Variants in VWF observed in about 807,000 individuals in gnomAD.
VWF encodes Factor VIII related antigen.
In VWF, 176 loss-of-function variants were observed where a neutral mutation model predicts 308.6. The observed-to-expected ratio is 0.57, with a 90% CI of 0.50 to 0.65. The LOEUF is 0.65. Among genes scored for constraint, VWF ranks in the 30% least tolerant of loss-of-function variants. The pLI is 0.00. For missense variants in VWF, 3,146 were observed against 3,648.2 expected, an observed-to-expected ratio of 0.86 and a Z score of 3.55; for synonymous variants, 1,385 against 1,443.4, an observed-to-expected ratio of 0.96 and a Z score of 0.92.
At position 5,981,856 on chromosome 12, in the gene VWF, G is replaced by GGACA. The variant is rs752860551; in HGVS notation, c.7213_7216dup (p.Pro2406LeufsTer13). On this transcript the variant is annotated frameshift_variant, in exon 42 of 52. Transcript: ENST00000261405. LOFTEE classifies it high-confidence loss of function. ...GGCAGTTGAGGCCAAGTACCCAAGG[G>GGACA]GACAGCTCACTGTGGAGTTGACACA... The GGACA allele has an allele frequency of 6.2e-7, 1 of 1,614,016 alleles. No individual in the cohort carries two copies. Among genetic ancestry groups the GGACA allele is most frequent in the Non-Finnish European group, 8.5e-7 (1 of 1,180,000 alleles).
At chr12:5,950,735 T>C (rs1034199892) in intron 50 of VWF, among the ~76,000 whole-genome samples, 1 of 152,156 alleles carries the variant, frequency 6.6e-6, no homozygotes, top group African/African-American at 2.4e-5. Context: ...CCTGGCTTAT[T>C]GTCCTTATTA....
At position 6,060,617 on chromosome 12, in the gene VWF, A is replaced by T. The variant is rs1314531562; in HGVS notation, c.1533+2337T>A. 2.0e-5 allele frequency among the ~76,000 whole-genome samples: 3 copies of T among 152,204 alleles called. No individual in the cohort carries two copies. Among genetic ancestry groups the T allele is most frequent in the South Asian group, 2.1e-4 (1 of 4,824 alleles). ...AAAAGAAAAAAGAAAAATATATATA[A>T]AAAGACAGTTCTATAGGCCATGGGG... On this transcript the variant is annotated intron_variant, in intron 13 of 51. Transcript: ENST00000261405. This position sits in a 1 kb window ranked among gnomAD's most constrained non-coding sequence, Gnocchi z 5.1.
In VWF at chr12:6,033,458, C is replaced by T. The variant is rs929318815; in HGVS notation, c.2685+1230G>A. On this transcript the variant is annotated intron_variant, in intron 20 of 51. Transcript: ENST00000261405. The stretch of plus-strand genomic sequence containing the variant: ...GCAGATGCTGACCAGCTGTCTGGTC[C>T]TTGCTGCACTGAATTAATTTTTTCC... Among the ~76,000 whole-genome samples, 3 of 152,348 alleles carry T rather than the reference C, an allele frequency of 2.0e-5. No individual in the cohort carries two copies. In the East Asian group the frequency reaches 5.8e-4, roughly 29 times the overall value.
rs1944611199 is a variant in VWF, at chr12:6,058,138, G to GT, written c.1534-95dup. On this transcript the variant is annotated intron_variant, in intron 13 of 51. Coordinates refer to ENST00000261405, the MANE Select transcript of VWF (RefSeq NM_000552.5). The surrounding 1 kb of genome is among the most constrained non-coding windows in gnomAD (Gnocchi z 4.9). ...AGATGGTTTTAATAAAAAAAAAAAA[G>GT]TTCCCCGGGTGAAACATAAATATGA... The GT allele has an allele frequency of 8.4e-7, 1 of 1,195,342 alleles. No homozygotes were observed. Among genetic ancestry groups the GT allele is most frequent in the Non-Finnish European group, 1.2e-6 (1 of 846,586 alleles). The allele number at this position is 1,195,342 out of a possible 1,614,324, so 74.0% of individuals were successfully genotyped here.
chr12:5,967,380 G>T, intron 47 of VWF, 106 bp downstream of exon 47: 1 of 972,098 alleles, frequency 1.0e-6, no homozygotes, highest in Non-Finnish European at 1.7e-6. Context: ...TTTATAATCA[G>T]AAAATAATGA....
chr12:6,108,980 CAAAA>C (rs748182676), intron 5 of VWF, among the ~76,000 whole-genome samples: 2 of 63,838 alleles, frequency 3.1e-5, no homozygotes, highest in Admixed American at 1.8e-4. Context: ...GACTCCGTCT[CAAAA>C]AAAAAAAAAA....
intron 6 of VWF, among the ~76,000 whole-genome samples, chr12:6,081,626 C>T (rs1362014789): frequency 1.3e-5 from 2 of 152,226 alleles, no homozygotes; most frequent in African/African-American, 2.4e-5. Flanking sequence ...GAGTGAGCCA[C>T]GGCACCTGGC....
chr12:5,962,493 G>GA (rs1943330502), intron 47 of VWF, among the ~76,000 whole-genome samples: 2 of 138,070 alleles, frequency 1.4e-5, no homozygotes, highest in Admixed American at 7.3e-5. Flanking sequence ...CAAAGGATCA[G>GA]AAAAAAAGGA....
In VWF at chr12:6,020,251, G is replaced by C. The variant is rs538855913; in HGVS notation, c.3675-508C>G. On this transcript the variant is annotated intron_variant, in intron 27 of 51. Transcript: ENST00000261405. This position sits in a 1 kb window ranked among gnomAD's most constrained non-coding sequence, Gnocchi z 4.3. ...ATTGCATGAGTTTTAAAACATGTTT[G>C]ATATGTTGGGCCCTAACGAAGAGAG... Among the ~76,000 whole-genome samples the C allele has an allele frequency of 6.6e-6, 1 of 152,240 alleles. No individual in the cohort carries two copies. The highest frequency in any genetic ancestry group is 1.5e-5 in the Non-Finnish European group (1 of 68,050).
chr12:6,050,877 C>T (rs1944501333), intron 16 of VWF, among the ~76,000 whole-genome samples: 2 of 151,952 alleles, frequency 1.3e-5, no homozygotes, highest in Non-Finnish European at 2.9e-5. Context: ...ATCGCTTGAA[C>T]CCCAGAGGTG....
chr12:6,107,340 T>A (rs1471215561), intron 5 of VWF, among the ~76,000 whole-genome samples: 1 of 152,238 alleles, frequency 6.6e-6, no homozygotes, highest in East Asian at 1.9e-4. Context: ...TTGTGGTGGT[T>A]ACATGACTCT....
At position 6,058,105 on chromosome 12, in the gene VWF, A is replaced by G; in HGVS notation, c.1534-61T>C. ...CGCGAAAGCAGCGGCATAGTTGTTT[A>G]GCTAATGAGATGGTTTTAATAAAAA... On this transcript the variant is annotated intron_variant, in intron 13 of 51. Coordinates refer to ENST00000261405, the MANE Select transcript of VWF (RefSeq NM_000552.5). This position sits in a 1 kb window ranked among gnomAD's most constrained non-coding sequence, Gnocchi z 4.9. 6.4e-7 allele frequency: 1 copy of G among 1,571,630 alleles called. No homozygotes were observed.
At chr12:6,113,596 G>A (rs555485031) in intron 3 of VWF, among the ~76,000 whole-genome samples, 4 of 152,284 alleles carry the variant, frequency 2.6e-5, no homozygotes, top group Admixed American at 2.6e-4. Context: ...GCCCTGCAAA[G>A]TAACTTTTTC....
At position 6,123,161 on chromosome 12, in the gene VWF, A is replaced by G; in HGVS notation, c.36T>C (p.Ala12=). The change falls in exon 2 of 52, where the codon GCT becomes GCC. Residue 12 remains alanine (A), a synonymous_variant. Transcript: ENST00000261405. The part of the protein sequence containing the change: ...IPARFAGVLL[A]LALILPGTLC... The stretch of plus-strand genomic sequence containing the variant: ...ACCTACCTGGCAAAATGAGGGCCAG[A>G]GCAAGCAGCACCCCGGCAAATCTGG... 6.2e-7 allele frequency: 1 copy of G among 1,614,228 alleles called. No homozygotes were observed. The highest frequency in any genetic ancestry group is 8.5e-7 in the Non-Finnish European group (1 of 1,180,048).
At position 6,022,906 on chromosome 12, in the gene VWF, G is replaced by A. The variant is rs1944144415; in HGVS notation, c.3380-8C>T. 5 of 456,104 alleles carry A rather than the reference G, an allele frequency of 1.1e-5. No individual in the cohort carries two copies. The highest frequency in any genetic ancestry group is 2.1e-5 in the South Asian group (1 of 47,372). The allele number at this position is 456,104 out of a possible 1,614,324, so 28.3% of individuals were successfully genotyped here. On this transcript the variant is annotated splice_region_variant and splice_polypyrimidine_tract_variant and intron_variant, in intron 25 of 51. Transcript: ENST00000261405. Reference sequence around the variant, plus strand: ...TCTCCTCGCAGCTCTGGGCTGTGTAGACAGGAGACAAGGCTGTGGCCACAA... The same window carrying A: ...TCTCCTCGCAGCTCTGGGCTGTGTAAACAGGAGACAAGGCTGTGGCCACAA...
At chr12:5,990,495 T>C (rs898531036) in intron 38 of VWF, among the ~76,000 whole-genome samples, 3 of 152,212 alleles carry the variant, frequency 2.0e-5, no homozygotes, top group Admixed American at 6.5e-5. Flanking sequence ...ACATTTACCA[T>C]GAGTTCTCCT....
In VWF at chr12:6,062,997, T is replaced by C; in HGVS notation, c.1490A>G (p.Asp497Gly). The part of the protein sequence containing the change: ...TASVRLSYGE[D>G]LQMDWDGRGR... ...GCGGCCATCCCAGTCCATCTGCAGGTCCTCCCCGTAGCTGAGGCGCACGGA... is the reference window on the plus strand; with the variant it reads ...GCGGCCATCCCAGTCCATCTGCAGGCCCTCCCCGTAGCTGAGGCGCACGGA... Residue 497 changes from aspartate (D) to glycine (G), a missense_variant, in exon 13 of 52, where the codon GAC (aspartate) becomes GGC (glycine). This residue lies in a region of VWF where 1,304 missense variants were observed against 1,353.0 expected (regional missense o/e 0.96). Transcript: ENST00000261405. 1 of 1,613,374 alleles carries C rather than the reference T, an allele frequency of 6.2e-7. No homozygotes were observed. The highest frequency in any genetic ancestry group is 8.5e-7 in the Non-Finnish European group (1 of 1,180,000).
chr12:6,010,911 TGAATAAACAGAAGAAACCTA>T (rs755271719), intron 34 of VWF, among the ~76,000 whole-genome samples: 77 of 152,200 alleles, frequency 5.1e-4, no homozygotes, highest in Non-Finnish European at 9.1e-4. Context: ...GAATTCTTTA[TGAATAAACAGAAGAAACCTA>T]AAGTCTGGTG....
intron 3 of VWF, among the ~76,000 whole-genome samples, chr12:6,112,091 A>C (rs1264683507): frequency 6.6e-6 from 1 of 152,244 alleles, no homozygotes; most frequent in Non-Finnish European, 1.5e-5. Flanking sequence ...TTGATTATCC[A>C]GGAGTTTACA....
Sources: allele counts gnomAD v4.1 joint callset (sites outside exome capture counted in the v4.1 genomes callset), GRCh38; gene constraint gnomAD v4.1.1; regional missense constraint gnomAD v4.1.1; non-coding constraint Gnocchi (gnomAD v3.1); transcripts MANE v1.5; gene names NCBI Gene and HGNC (gene_info 2026-07-23, HGNC 2026-07-21).